RABGAP1L: variants seen among roughly 807,000 people sequenced by gnomAD.
RABGAP1L encodes the protein RAB GTPase activating protein 1 like.
RABGAP1L carries 63 observed loss-of-function variants against 137.7 expected under a neutral mutation model. The observed-to-expected ratio is 0.46, with a 90% confidence interval of 0.37 to 0.56. RABGAP1L has a LOEUF of 0.56. Ranked by LOEUF, RABGAP1L falls within the 20% of genes least tolerant of loss-of-function variation. The pLI is 0.00. For missense variants in RABGAP1L, 1,095 were observed against 1,244.0 expected (o/e 0.88, Z 1.80); for synonymous variants, 431 against 433.7 (o/e 0.99, Z 0.08).
At chr1:174,281,306 C>T (rs190488675) in intron 10 of RABGAP1L, among the ~76,000 whole-genome samples, 1 of 151,832 alleles carries the variant, frequency 6.6e-6, no homozygotes, top group Admixed American at 6.6e-5. Context: ...TTTTACAGAG[C>T]GCTGATTGGT....
At chr1:174,402,312 A>G (rs1648697747) in intron 13 of RABGAP1L, among the ~76,000 whole-genome samples, 1 of 152,004 alleles carries the variant, frequency 6.6e-6, no homozygotes, top group Non-Finnish European at 1.5e-5. Flanking sequence ...CTTTAGAAAA[A>G]CTCTATATTT....
chr1:174,632,630 C>T (rs1246228376), intron 13 of RABGAP1L, among the ~76,000 whole-genome samples: 2 of 149,996 alleles, frequency 1.3e-5, no homozygotes, highest in Non-Finnish European at 3.0e-5. Context: ...CTTCTCGCTT[C>T]ATTTCATTCA....
intron 19 of RABGAP1L, among the ~76,000 whole-genome samples, chr1:174,910,146 A>C (rs907233087): frequency 7.2e-5 from 11 of 152,160 alleles, no homozygotes; most frequent in Non-Finnish European, 1.2e-4. Flanking sequence ...CTCAAAAAAA[A>C]ACACAAACAA....
chr1:174,754,481 T>C lies in RABGAP1L; in HGVS notation c.2211+2127T>C, dbSNP rs1422535167. Among the ~76,000 whole-genome samples the C allele has an allele frequency of 2.0e-5, 3 of 152,140 alleles. No homozygotes were observed. In the East Asian group the frequency reaches 5.8e-4, roughly 29 times the overall value. On this transcript the variant is annotated intron_variant, in intron 18 of 25. Transcript: ENST00000681986. ...AAGTTCAAATTGCTGGGTTTTTTTTTCTTTTGTTTTGTTTTGTTTTTTGCT... is the reference window on the plus strand; with the variant it reads ...AAGTTCAAATTGCTGGGTTTTTTTTCCTTTTGTTTTGTTTTGTTTTTTGCT...
chr1:174,322,336 G>A (rs1309199113), intron 11 of RABGAP1L, among the ~76,000 whole-genome samples: 1 of 152,142 alleles, frequency 6.6e-6, no homozygotes, highest in Non-Finnish European at 1.5e-5. Flanking sequence ...TAGGAATTAA[G>A]GAGTGGCTTG....
At chr1:174,383,714 G>A (rs971637412) in intron 12 of RABGAP1L, among the ~76,000 whole-genome samples, 25 of 152,016 alleles carry the variant, frequency 1.6e-4, no homozygotes, top group South Asian at 2.1e-4. Context: ...AGATGAACCC[G>A]GTACCTCAGA....
intron 13 of RABGAP1L, among the ~76,000 whole-genome samples, chr1:174,498,880 A>G (rs561334856): frequency 6.6e-6 from 1 of 152,038 alleles, no homozygotes; most frequent in Non-Finnish European, 1.5e-5. Context: ...TGACTCTTTG[A>G]TATGTTATCT....
At chr1:174,183,236 T>C (rs1037626904) in intron 1 of RABGAP1L, among the ~76,000 whole-genome samples, 6 of 152,244 alleles carry the variant, frequency 3.9e-5, no homozygotes, top group Non-Finnish European at 5.9e-5. Context: ...TTTATTAAAA[T>C]GGATGCCAAT....
chr1:174,305,072 C>T lies in RABGAP1L; in HGVS notation c.1410C>T (p.Val470=). 6.4e-7 allele frequency: 1 copy of T among 1,559,374 alleles called. No individual in the cohort carries two copies. The highest frequency in any genetic ancestry group is 1.7e-4 in the Middle Eastern group (1 of 5,946). ...GAGAGTCTGACAAGGAGGAACCAGTCACTCCTACTAGTGGAGGGGGTCCAA... is the reference window on the plus strand; with the variant it reads ...GAGAGTCTGACAAGGAGGAACCAGTTACTCCTACTAGTGGAGGGGGTCCAA... ...LQRESDKEEP[V]TPTSGGGPMS... is the part of the protein sequence containing the mutation. Residue 470 remains valine, a synonymous_variant, in exon 11 of 26, where the codon GTC becomes GTT. Transcript: ENST00000681986.
intron 11 of RABGAP1L, among the ~76,000 whole-genome samples, chr1:174,369,216 G>T (rs1003681085): frequency 2.5e-4 from 38 of 151,930 alleles, no homozygotes; most frequent in Admixed American, 2.0e-3. Context: ...TTGAGATGAG[G>T]TCTCACTCTG....
chr1:174,777,186 A>C (rs547102729), intron 18 of RABGAP1L, among the ~76,000 whole-genome samples: 2 of 152,360 alleles, frequency 1.3e-5, no homozygotes, highest in South Asian at 4.1e-4. Context: ...ACCTTAAATA[A>C]GAATTTTTTT....
At chr1:174,485,055 T>C (rs1219181801) in intron 13 of RABGAP1L, among the ~76,000 whole-genome samples, 3 of 152,202 alleles carry the variant, frequency 2.0e-5, no homozygotes, top group African/African-American at 4.8e-5. Flanking sequence ...ATAGTTTTCA[T>C]TGTAGAGATC....
chr1:174,704,616 A>C (rs1372254012), intron 17 of RABGAP1L, among the ~76,000 whole-genome samples: 1 of 152,188 alleles, frequency 6.6e-6, no homozygotes, highest in Non-Finnish European at 1.5e-5. Context: ...ACAGCTAGAG[A>C]ATCTGATTTA....
chr1:174,250,165 G>A (rs1160030426), intron 5 of RABGAP1L, among the ~76,000 whole-genome samples: 1 of 152,030 alleles, frequency 6.6e-6, no homozygotes, highest in Non-Finnish European at 1.5e-5. Flanking sequence ...CTTCTTAAGC[G>A]ATATTTCTTC....
At chr1:174,783,707 CTTTTTTTTTT>C (rs34367315) in intron 18 of RABGAP1L, among the ~76,000 whole-genome samples, 4 of 102,468 alleles carry the variant, frequency 3.9e-5, no homozygotes, top group South Asian at 6.6e-4. Flanking sequence ...TCTTCTTCTT[CTTTTTTTTTT>C]TTTTTTTTTT....
At chr1:174,392,289 T>C (rs1647260097) in intron 12 of RABGAP1L, among the ~76,000 whole-genome samples, 2 of 152,214 alleles carry the variant, frequency 1.3e-5, no homozygotes, top group Non-Finnish European at 2.9e-5. Context: ...TTTTGGAGTA[T>C]GTTCTTCCAT....
At chr1:174,635,369 A>G (rs1024343928) in intron 13 of RABGAP1L, among the ~76,000 whole-genome samples, 3 of 152,232 alleles carry the variant, frequency 2.0e-5, no homozygotes, top group Non-Finnish European at 2.9e-5. Context: ...ATAAGTGGAA[A>G]CTATTAACTT....
intron 1 of RABGAP1L, among the ~76,000 whole-genome samples, chr1:174,171,933 G>T (rs953961722): frequency 6.6e-6 from 1 of 152,014 alleles, no homozygotes; most frequent in Non-Finnish European, 1.5e-5. Context: ...CCCGGGAGGC[G>T]GAGGTTGCAG....
At chr1:174,340,223 G>A (rs921914435) in intron 11 of RABGAP1L, among the ~76,000 whole-genome samples, 1 of 152,076 alleles carries the variant, frequency 6.6e-6, no homozygotes, top group African/African-American at 2.4e-5. Flanking sequence ...TTTCTAATTT[G>A]TTTAAAACTC....
Sources: allele counts gnomAD v4.1 joint callset (sites outside exome capture counted in the v4.1 genomes callset), GRCh38; gene constraint gnomAD v4.1.1; transcripts MANE v1.5; gene names NCBI Gene and HGNC (gene_info 2026-07-23, HGNC 2026-07-21).